HACD1: variants seen among roughly 807,000 people sequenced by gnomAD.
HACD1 encodes the protein very-long-chain (3R)-3-hydroxyacyl-CoA dehydratase 1.
Under a neutral mutation model 32.0 loss-of-function variants are expected in HACD1, and 41 were observed. The ratio of observed to expected loss-of-function variants is 1.28; its 90% CI spans 1.00 to 1.66. The LOEUF (loss-of-function observed/expected upper bound fraction) is 1.66, where lower values mean the gene tolerates loss of function less well. HACD1 is among the 40% of genes most tolerant of loss of function. The pLI is 0.00. For missense variants in HACD1, 396 were observed against 380.1 expected, an observed-to-expected ratio of 1.04 and a Z score of -0.35; for synonymous variants, 142 against 139.0, an observed-to-expected ratio of 1.02 and a Z score of -0.15.
intron 5 of HACD1, among the ~76,000 whole-genome samples, chr10:17,597,899 A>C (rs782038182): frequency 4.6e-5 from 7 of 152,172 alleles, no homozygotes; most frequent in Non-Finnish European, 1.0e-4. Flanking sequence ...AAAGTATCTC[A>C]TCATATACAA....
intron 5 of HACD1, among the ~76,000 whole-genome samples, chr10:17,594,676 T>A (rs1240405653): frequency 6.6e-6 from 1 of 152,120 alleles, no homozygotes; most frequent in Non-Finnish European, 1.5e-5. Context: ...ATGTAGTTTT[T>A]CTTGTTTTTG....
Position 17,599,287 on chromosome 10 carries a change from C to T in HACD1, c.605+3G>A, listed in dbSNP as rs781898330. On this transcript the variant is annotated splice_donor_region_variant and intron_variant, in intron 5 of 6. Coordinates refer to ENST00000361271, the MANE Select transcript of HACD1 (RefSeq NM_014241.4). Reference sequence around the variant, plus strand: ...GAGAAACTAAACTGCAAGATATCGCCACCTGGCCCATTTAATGAAGTATGG... The same window carrying T: ...GAGAAACTAAACTGCAAGATATCGCTACCTGGCCCATTTAATGAAGTATGG... 1 of 1,613,750 alleles carries T rather than the reference C, an allele frequency of 6.2e-7. No homozygotes were observed. The highest frequency in any genetic ancestry group is 8.5e-7 in the Non-Finnish European group (1 of 1,179,930).
At chr10:17,609,372 C>T (rs1297277388) in intron 1 of HACD1, among the ~76,000 whole-genome samples, 1 of 151,964 alleles carries the variant, frequency 6.6e-6, no homozygotes. Flanking sequence ...CCAGAATGGT[C>T]TCGATCTCCT....
chr10:17,609,108 A>G (rs780686823), intron 1 of HACD1, among the ~76,000 whole-genome samples: 76 of 151,836 alleles, frequency 5.0e-4, no homozygotes, highest in Non-Finnish European at 5.2e-4. Flanking sequence ...TCAAAACCCT[A>G]TAATAGGAAA....
chr10:17,592,428 C>A (rs1833941041), intron 6 of HACD1, among the ~76,000 whole-genome samples: 1 of 151,996 alleles, frequency 6.6e-6, no homozygotes, highest in Non-Finnish European at 1.5e-5. Context: ...TGATTTATTA[C>A]TAACATTAAG....
intron 1 of HACD1, among the ~76,000 whole-genome samples, chr10:17,610,597 C>T (rs1554817418): frequency 2.0e-5 from 3 of 151,000 alleles, no homozygotes; most frequent in African/African-American, 7.3e-5. Context: ...GTGAGCTGAG[C>T]TGGTGCTACT....
rs1554818301 is a variant in HACD1 at position 17,617,333 on chromosome 10, G to T, written c.7C>A (p.Arg3Ser). ...CCCGCTGCCGCCGCTTCCGTCAGGC[G>T]CCCCATGTGCAGCGCGCAGGGGGCT... is the stretch of plus-strand genomic sequence containing the variant. MG[R>S]LTEAAAAGSG... Residue 3 changes from arginine (R) to serine (S), a missense_variant, in exon 1 of 7, where the codon CGC becomes AGC. By Grantham distance (110) the Arg-to-Ser change is moderately radical. Coordinates refer to ENST00000361271, the MANE Select transcript of HACD1 (RefSeq NM_014241.4). 3.5e-6 allele frequency: 5 copies of T among 1,418,470 alleles called. No individual in the cohort carries two copies. The East Asian group carries it at 1.5e-4, about 43-fold the overall frequency. The allele number at this position is 1,418,470 out of a possible 1,614,324, so 87.9% of individuals were successfully genotyped here.
At chr10:17,591,403 G>A (rs1191372984) in intron 6 of HACD1, among the ~76,000 whole-genome samples, 1 of 152,212 alleles carries the variant, frequency 6.6e-6, no homozygotes, top group Non-Finnish European at 1.5e-5. Context: ...CTAGAAGGCA[G>A]TGGGGTGCTG....
Position 17,594,215 on chromosome 10 carries a change from T to C in HACD1, c.774A>G (p.Ser258=). The C allele has an allele frequency of 1.3e-6, 2 of 1,554,746 alleles. No individual in the cohort carries two copies. Among genetic ancestry groups the C allele is most frequent in the Non-Finnish European group, 1.7e-6 (2 of 1,150,006 alleles). The change falls in exon 6 of 7, where the codon TCA becomes TCG. Residue 258 remains serine, a synonymous_variant. Transcript: ENST00000361271. ...YYYFLLITMA[S]YIPLFPQLYF... is the part of the protein sequence containing the mutation. ...TAAGTATATACTTACAAGGTATATATGATGCCATGGTTATAAGAAGAAAAT... is the reference window on the plus strand; with the variant it reads ...TAAGTATATACTTACAAGGTATATACGATGCCATGGTTATAAGAAGAAAAT...
chr10:17,595,735 C>G (rs1031614935), intron 5 of HACD1, among the ~76,000 whole-genome samples: 18 of 151,968 alleles, frequency 1.2e-4, no homozygotes, highest in Admixed American at 2.6e-4. Flanking sequence ...TTTTCTCTGA[C>G]TCAGTCACTA....
At chr10:17,591,695 G>C (rs1554815587) in intron 6 of HACD1, among the ~76,000 whole-genome samples, 1 of 115,288 alleles carries the variant, frequency 8.7e-6, no homozygotes, top group East Asian at 3.8e-4. Context: ...AAATATTTCT[G>C]AATATGATGA....
chr10:17,606,081 G>T (rs1554817025), intron 1 of HACD1, among the ~76,000 whole-genome samples: 3 of 152,102 alleles, frequency 2.0e-5, no homozygotes, highest in Non-Finnish European at 4.4e-5. Flanking sequence ...AGGCTGAGGT[G>T]GGAGGATCAC....
At position 17,617,063 on chromosome 10, in the gene HACD1, G is replaced by T; in HGVS notation, c.257+20C>A. ...ACCGCGGCGCGGGGAGGGCCCGAGG[G>T]TGCCCCGCGGCGCGCGTACCCCGCG... On this transcript the variant is annotated intron_variant, in intron 1 of 6. Coordinates refer to ENST00000361271, the MANE Select transcript of HACD1 (RefSeq NM_014241.4). The T allele has an allele frequency of 6.8e-7, 1 of 1,463,812 alleles. No homozygotes were observed. Among genetic ancestry groups the T allele is most frequent in the Non-Finnish European group, 9.0e-7 (1 of 1,111,610 alleles). 90.7% of individuals were successfully genotyped at this position (1,463,812 alleles called of 1,614,324 possible). A position where few individuals can be genotyped will look rare whatever the true frequency, so the allele number is the denominator to read the frequency against.
chr10:17,597,136 T>C (rs1834004642), intron 5 of HACD1, among the ~76,000 whole-genome samples: 1 of 152,188 alleles, frequency 6.6e-6, no homozygotes, highest in Admixed American at 6.5e-5. Context: ...TTGTTTAACA[T>C]TAAGGCAATG....
rs545570731 is a variant in HACD1, at chr10:17,590,966, C to A, written c.785-520G>T. ...CTGGGATTACAGGCATGAACCACTG[C>A]GCCCGGCCTATTTTTGCTTGTTTTT... On this transcript the variant is annotated intron_variant, in intron 6 of 6. Coordinates refer to ENST00000361271, the MANE Select transcript of HACD1 (RefSeq NM_014241.4). 5.9e-5 allele frequency among the ~76,000 whole-genome samples: 9 copies of A among 152,254 alleles called. No individual in the cohort carries two copies. In the South Asian group the frequency reaches 1.9e-3, roughly 32 times the overall value.
chr10:17,606,841 T>C (rs2131515861), intron 1 of HACD1, among the ~76,000 whole-genome samples: 1 of 152,266 alleles, frequency 6.6e-6, no homozygotes, highest in African/African-American at 2.4e-5. Context: ...TTCTATGTCT[T>C]AGACACTGTT....
intron 1 of HACD1, among the ~76,000 whole-genome samples, chr10:17,605,205 T>A (rs1403336015): frequency 6.6e-6 from 1 of 152,104 alleles, no homozygotes. Flanking sequence ...GTGAATGTAC[T>A]TAATGCCACT....
chr10:17,600,439 A>G (rs1216602600), intron 4 of HACD1, among the ~76,000 whole-genome samples: 1 of 152,176 alleles, frequency 6.6e-6, no homozygotes, highest in East Asian at 1.9e-4. Context: ...TCCTAGGTTC[A>G]AATGAGTCTC....
Position 17,604,329 on chromosome 10 carries a change from C to CA in HACD1, c.258-283dup, listed in dbSNP as rs1439085956. Among the ~76,000 whole-genome samples the CA allele has an allele frequency of 5.3e-5, 8 of 151,954 alleles. No individual in the cohort carries two copies. The South Asian group carries it at 1.2e-3, about 24-fold the overall frequency. On this transcript the variant is annotated intron_variant, in intron 1 of 6. Coordinates refer to ENST00000361271, the MANE Select transcript of HACD1 (RefSeq NM_014241.4). ...TGAAACCCCGTCTCTACTAAAAATA[C>CA]AAAAAATTAGCCGGGTGTGGTGGCG...
Sources: allele counts gnomAD v4.1 joint callset (sites outside exome capture counted in the v4.1 genomes callset), GRCh38; gene constraint gnomAD v4.1.1; transcripts MANE v1.5; gene names NCBI Gene and HGNC (gene_info 2026-07-23, HGNC 2026-07-21).